MRPL39: variants seen among roughly 807,000 people sequenced by gnomAD.
MRPL39 encodes mitochondrial ribosomal protein L39.
In MRPL39, 35 loss-of-function variants were observed where a neutral mutation model predicts 44.5. The ratio of observed to expected loss-of-function variants is 0.79; its 90% CI spans 0.60 to 1.04. The LOEUF is 1.04. Among genes scored for constraint, MRPL39 ranks in the 50% least tolerant of loss-of-function variants. MRPL39 has a pLI of 0.00. For missense variants in MRPL39, 433 were observed against 413.5 expected, an observed-to-expected ratio of 1.05 and a Z score of -0.41; for synonymous variants, 139 against 136.1, an observed-to-expected ratio of 1.02 and a Z score of -0.15.
At chr21:25,607,217 C>T (rs2031707952) in intron 1 of MRPL39, among the ~76,000 whole-genome samples, 186 bp downstream of exon 1, 1 of 152,224 alleles carries the variant, frequency 6.6e-6, no homozygotes, top group African/African-American at 2.4e-5. Flanking sequence ...CCCCTGCCCT[C>T]CGCCAGACCC....
chr21:25,593,091 T>C lies in MRPL39; in HGVS notation c.768-126A>G, dbSNP rs2031234677. 5 of 802,700 alleles carry C rather than the reference T, an allele frequency of 6.2e-6. No individual in the cohort carries two copies. In the East Asian group the frequency reaches 1.4e-4, roughly 22 times the overall value. The allele number at this position is 802,700 out of a possible 1,614,324, so 49.7% of individuals were successfully genotyped here. Reference sequence around the variant, plus strand: ...ATCAAGAACATTATATATGGTTCAATTCAGTTTCTAATGACCCCTGACATA... The same window carrying C: ...ATCAAGAACATTATATATGGTTCAACTCAGTTTCTAATGACCCCTGACATA... On this transcript the variant is annotated intron_variant, in intron 7 of 9. Coordinates refer to ENST00000352957, the MANE Select transcript of MRPL39 (RefSeq NM_017446.4).
At chr21:25,589,874 G>A (rs1259382465) in intron 8 of MRPL39, among the ~76,000 whole-genome samples, 2 of 152,228 alleles carry the variant, frequency 1.3e-5, no homozygotes, top group African/African-American at 4.8e-5. Flanking sequence ...AGCTGTGGCT[G>A]GAATATAGTG....
rs558118933 is a variant in MRPL39 at position 25,593,120 on chromosome 21, A to T, written c.768-155T>A. On this transcript the variant is annotated intron_variant, in intron 7 of 9. Coordinates refer to ENST00000352957, the MANE Select transcript of MRPL39 (RefSeq NM_017446.4). Reference sequence around the variant, plus strand: ...GTTTCTAATGACCCCTGACATAATGATCTCAAGTAAAGAGGCTAAAACTTT... The same window carrying T: ...GTTTCTAATGACCCCTGACATAATGTTCTCAAGTAAAGAGGCTAAAACTTT... 2.0e-5 allele frequency among the ~76,000 whole-genome samples: 3 copies of T among 152,330 alleles called. No individual in the cohort carries two copies. In the South Asian group the frequency reaches 6.2e-4, roughly 32 times the overall value.
chr21:25,592,772 T>C, intron 8 of MRPL39, 40 bp downstream of exon 8: 1 of 1,478,548 alleles, frequency 6.8e-7, no homozygotes, highest in Non-Finnish European at 9.2e-7. Flanking sequence ...ATTATATCTA[T>C]ACCCAAATTG....
At chr21:25,603,733 C>T (rs2031585141) in intron 3 of MRPL39, 63 bp downstream of exon 3, 3 of 1,479,724 alleles carry the variant, frequency 2.0e-6, no homozygotes, top group East Asian at 2.3e-5. Context: ...CCATAGAAAA[C>T]AGGTCTTAAT....
Position 25,593,904 on chromosome 21 carries a change from G to C in MRPL39, c.756C>G (p.Val252=), listed in dbSNP as rs1447891622. The change falls in exon 7 of 10, where the codon GTC becomes GTG. Residue 252 remains valine (V), a synonymous_variant. Transcript: ENST00000352957. The part of the protein sequence containing the change: ...EKASQNPERI[V]KLHRIGDFID... ...AGACTTTTACTTACCTGTGTAGCTT[G>C]ACTATTCTCTCAGGGTTCTGAGATG... 1.5e-5 allele frequency: 25 copies of C among 1,613,316 alleles called. No individual in the cohort carries two copies. The highest frequency in any genetic ancestry group is 2.0e-5 in the Non-Finnish European group (24 of 1,179,692).
intron 9 of MRPL39, chr21:25,587,683 T>C (rs752623269): frequency 6.4e-7 from 1 of 1,551,144 alleles, no homozygotes; most frequent in Admixed American, 1.7e-5. Context: ...ATATGAATAA[T>C]TATTTGTTAG....
At chr21:25,592,573 T>A (rs1368816456) in intron 8 of MRPL39, among the ~76,000 whole-genome samples, 2 of 152,188 alleles carry the variant, frequency 1.3e-5, no homozygotes, top group East Asian at 3.8e-4. Flanking sequence ...TCACCTATGC[T>A]AACTTGAAAT....
In MRPL39 at chr21:25,592,799, A is replaced by T; in HGVS notation, c.921+13T>A. ...CCCAAATTGGAAGACCTAGAACTTT[A>T]AGCTTTACTTACTCTTAAGTGAACA... On this transcript the variant is annotated intron_variant, in intron 8 of 9. Transcript: ENST00000352957. 6.3e-7 allele frequency: 1 copy of T among 1,575,216 alleles called. No homozygotes were observed. The highest frequency in any genetic ancestry group is 8.7e-7 in the Non-Finnish European group (1 of 1,154,802).
intron 8 of MRPL39, among the ~76,000 whole-genome samples, chr21:25,590,168 T>C (rs1182122013): frequency 1.3e-5 from 2 of 152,154 alleles, no homozygotes; most frequent in Admixed American, 6.5e-5. Context: ...ATAAGGTGCA[T>C]AGATTCAGAA....
intron 4 of MRPL39, among the ~76,000 whole-genome samples, chr21:25,600,414 A>AC (rs2031487206): frequency 6.6e-6 from 1 of 151,146 alleles, no homozygotes; most frequent in Non-Finnish European, 1.5e-5. Context: ...AAAAAAAAAA[A>AC]AAATTCCAAA....
intron 3 of MRPL39, among the ~76,000 whole-genome samples, chr21:25,602,497 T>G (rs2031551009): frequency 6.6e-6 from 1 of 152,252 alleles, no homozygotes; most frequent in Non-Finnish European, 1.5e-5. Flanking sequence ...TGGCTATTAC[T>G]GTCATTTCTA....
intron 3 of MRPL39, among the ~76,000 whole-genome samples, chr21:25,602,302 G>A (rs1352003129): frequency 6.6e-6 from 1 of 152,068 alleles, no homozygotes; most frequent in Non-Finnish European, 1.5e-5. Context: ...TTCAAATCTG[G>A]GCTCCACTAT....
intron 5 of MRPL39, among the ~76,000 whole-genome samples, chr21:25,598,650 C>T (rs2031433178): frequency 6.6e-6 from 1 of 151,858 alleles, no homozygotes; most frequent in Non-Finnish European, 1.5e-5. Context: ...CTCTTTCCAT[C>T]CTCTTCTCTC....
intron 2 of MRPL39, among the ~76,000 whole-genome samples, chr21:25,605,458 CAG>C (rs1481843705): frequency 6.7e-6 from 1 of 148,650 alleles, no homozygotes; most frequent in African/African-American, 2.6e-5. Context: ...AAATACAACA[CAG>C]AGAGAGCCAA....
At chr21:25,589,852 G>A (rs779354224) in intron 8 of MRPL39, among the ~76,000 whole-genome samples, 1 of 152,224 alleles carries the variant, frequency 6.6e-6, no homozygotes. Flanking sequence ...AACTGCTGGT[G>A]CAGAGACCTT....
intron 9 of MRPL39, 95 bp downstream of exon 9, chr21:25,588,736 CTCTT>C: frequency 8.7e-7 from 1 of 1,143,010 alleles, no homozygotes; most frequent in Admixed American, 2.1e-5. Context: ...TTTTTCCTTT[CTCTT>C]TGTTTCTTTC....
At chr21:25,604,759 C>T (rs1303189130) in intron 2 of MRPL39, among the ~76,000 whole-genome samples, 1 of 152,162 alleles carries the variant, frequency 6.6e-6, no homozygotes, top group Non-Finnish European at 1.5e-5. Context: ...ACATAAACCC[C>T]GTAAAGTCAG....
chr21:25,597,181 G>C, intron 6 of MRPL39, 121 bp downstream of exon 6: 1 of 634,702 alleles, frequency 1.6e-6, no homozygotes, highest in Non-Finnish European at 2.7e-6. Flanking sequence ...AGAGGTCTCA[G>C]ACTGGAAAAT....
Sources: gnomAD v4.1 joint callset for allele counts (sites outside exome capture counted in the v4.1 genomes callset) on GRCh38, gnomAD v4.1.1 for gene constraint, MANE v1.5 for transcripts, NCBI Gene and HGNC (gene_info 2026-07-23, HGNC 2026-07-21) for gene names.